The following ERCC6L2 variants were observed in gnomAD, a reference collection of about 807,000 sequenced individuals.
The protein encoded by ERCC6L2 is ERCC excision repair 6 like 2, also known as DNA excision repair protein ERCC-6-like 2.
ERCC6L2 carries 77 observed loss-of-function variants against 132.0 expected under a neutral mutation model. The ratio of observed to expected loss-of-function variants is 0.58; its 90% CI spans 0.49 to 0.71. The LOEUF is 0.71. Ranked by LOEUF, ERCC6L2 falls within the 30% of genes least tolerant of loss-of-function variation. The pLI is 0.00. For synonymous variants in ERCC6L2, 583 were observed against 632.4 expected (o/e 0.92, Z 1.17); for missense variants, 1,542 against 1,837.6 (o/e 0.84, Z 2.94).
At chr9:95,948,793 A>G (rs1299790099) in intron 12 of ERCC6L2, among the ~76,000 whole-genome samples, 2 of 96,314 alleles carry the variant, frequency 2.1e-5, no homozygotes, top group East Asian at 7.2e-4. Flanking sequence ...AGACATTAGA[A>G]AAAAAAAAAA....
intron 14 of ERCC6L2, chr9:95,968,064 G>A (rs780389756): frequency 2.0e-5 from 3 of 152,120 alleles, no homozygotes; most frequent in Non-Finnish European, 4.4e-5. Flanking sequence ...AGGTTATTAA[G>A]TAGAAAAAGT....
At chr9:95,908,119 G>A (rs932196648) in intron 4 of ERCC6L2, among the ~76,000 whole-genome samples, 2 of 152,054 alleles carry the variant, frequency 1.3e-5, no homozygotes, top group African/African-American at 4.8e-5. Flanking sequence ...GAATGGAGAA[G>A]GACCAATTAA....
chr9:95,905,809 A>G (rs148072536), intron 3 of ERCC6L2, among the ~76,000 whole-genome samples: 1 of 152,298 alleles, frequency 6.6e-6, no homozygotes, highest in African/African-American at 2.4e-5. Flanking sequence ...CCTAGGTTAA[A>G]TGTTTCACAG....
intron 3 of ERCC6L2, among the ~76,000 whole-genome samples, chr9:95,899,598 A>ATG (rs763050798): frequency 4.7e-4 from 53 of 113,270 alleles, no homozygotes; most frequent in Middle Eastern, 4.6e-3. Context: ...CTTTATATAT[A>ATG]TATGTGTGTG....
intron 17 of ERCC6L2, among the ~76,000 whole-genome samples, chr9:95,984,825 G>A (rs1268838520): frequency 2.6e-5 from 4 of 152,146 alleles, no homozygotes; most frequent in Non-Finnish European, 4.4e-5. Context: ...GAATTTTAAA[G>A]ATGATTTATT....
rs909612107 is a variant in ERCC6L2, at chr9:95,911,790, T to C, written c.789-3878T>C. ...TCAGTTTTTATCAAAGTTAATTATG[T>C]ATATGATTTAAAGAGCCAAACATGA... On this transcript the variant is annotated intron_variant, in intron 4 of 18. Coordinates refer to ENST00000653738, the MANE Select transcript of ERCC6L2 (RefSeq NM_020207.7). 7.2e-5 allele frequency among the ~76,000 whole-genome samples: 11 copies of C among 152,286 alleles called. No homozygotes were observed. In the South Asian group the frequency reaches 1.9e-3, roughly 26 times the overall value.
chr9:95,936,776 CTCTCCCCTT>C (rs973406933), intron 11 of ERCC6L2, among the ~76,000 whole-genome samples: 8 of 152,130 alleles, frequency 5.3e-5, no homozygotes, highest in African/African-American at 1.9e-4. Flanking sequence ...CTGCTTTCCT[CTCTCCCCTT>C]TCTCCCTGAG....
rs1830493183 is a variant in ERCC6L2 at position 95,934,967 on chromosome 9, T to A, written c.1751+6103T>A. Among the ~76,000 whole-genome samples, 3 of 152,232 alleles carry A rather than the reference T, an allele frequency of 2.0e-5. No homozygotes were observed. The South Asian group carries it at 6.2e-4, about 32-fold the overall frequency. On this transcript the variant is annotated intron_variant, in intron 11 of 18. Coordinates refer to ENST00000653738, the MANE Select transcript of ERCC6L2 (RefSeq NM_020207.7). ...TAAACCACTCTTTTCAAATAAATAA[T>A]GAGAATCATATTATATGCCTTTTGT...
At chr9:95,929,651 T>C (rs971725046) in intron 11 of ERCC6L2, among the ~76,000 whole-genome samples, 5 of 152,228 alleles carry the variant, frequency 3.3e-5, no homozygotes, top group Admixed American at 6.5e-5. Context: ...AGCACTTTAA[T>C]TATTCTTGAA....
At chr9:95,993,863 T>A (rs1446986717) in intron 17 of ERCC6L2, among the ~76,000 whole-genome samples, 1 of 152,200 alleles carries the variant, frequency 6.6e-6, no homozygotes, top group Non-Finnish European at 1.5e-5. Flanking sequence ...TGGATTTGAA[T>A]CTAAATGCTG....
At chr9:96,026,227 G>A (rs960612887) in intron 19 of ERCC6L2, among the ~76,000 whole-genome samples, 3 of 152,220 alleles carry the variant, frequency 2.0e-5, no homozygotes, top group African/African-American at 7.2e-5. Flanking sequence ...CCACCGTTGG[G>A]AGTCCGGGGG....
At chr9:95,926,082 C>G (rs1830087672) in intron 9 of ERCC6L2, among the ~76,000 whole-genome samples, 1 of 152,152 alleles carries the variant, frequency 6.6e-6, no homozygotes, top group Admixed American at 6.5e-5. Context: ...AGAACACTGT[C>G]AAGCCCAAAT....
chr9:96,028,090 C>T (rs957988768), intron 19 of ERCC6L2: 2 of 152,122 alleles, frequency 1.3e-5, no homozygotes, highest in African/African-American at 2.4e-5. Context: ...CCGAGGGCAC[C>T]CTGCAAACTG....
chr9:95,940,271 C>G (rs1474485092), intron 11 of ERCC6L2, among the ~76,000 whole-genome samples: 7 of 152,212 alleles, frequency 4.6e-5, no homozygotes, highest in African/African-American at 1.7e-4. Context: ...GTTATTGTGT[C>G]ACATTTTTCT....
intron 9 of ERCC6L2, among the ~76,000 whole-genome samples, chr9:95,923,922 G>A (rs968846211): frequency 2.0e-5 from 3 of 149,662 alleles, no homozygotes; most frequent in Non-Finnish European, 4.5e-5. Flanking sequence ...GCTGCTCTTG[G>A]TAATGTGTTA....
chr9:95,936,708 T>G (rs1830570655), intron 11 of ERCC6L2, among the ~76,000 whole-genome samples: 1 of 152,226 alleles, frequency 6.6e-6, no homozygotes, highest in Admixed American at 6.5e-5. Flanking sequence ...GTTGATACAG[T>G]GAAGAGCAGA....
Position 95,881,206 on chromosome 9 carries a change from A to T in ERCC6L2, c.384A>T (p.Arg128Ser), listed in dbSNP as rs750151681. The change falls in exon 2 of 19, where the codon AGA becomes AGT. Residue 128 changes from arginine (R) to serine (S), a missense_variant. By Grantham distance (110) the Arg-to-Ser change is moderately radical (BLOSUM62 -1). This residue lies in a region of ERCC6L2 where 945 missense variants were observed against 1,105.2 expected (regional missense o/e 0.86). Transcript: ENST00000653738. Reference sequence around the variant, plus strand: ...ATAGGTATTTGAGAGACTACCAAAGAGAAGGAACCCGGTTTCTTTATGGAC... The same window carrying T: ...ATAGGTATTTGAGAGACTACCAAAGTGAAGGAACCCGGTTTCTTTATGGAC... ...TINRYLRDYQ[R>S]EGTRFLYGHY... 2 of 1,607,786 alleles carry T rather than the reference A, an allele frequency of 1.2e-6. No homozygotes were observed. The highest frequency in any genetic ancestry group is 4.5e-5 in the East Asian group (2 of 44,852).
chr9:95,889,343 A>T (rs895756648), intron 2 of ERCC6L2, among the ~76,000 whole-genome samples: 3 of 152,212 alleles, frequency 2.0e-5, no homozygotes, highest in Non-Finnish European at 4.4e-5. Context: ...AGAGCAAATC[A>T]GTGGATTTGA....
In ERCC6L2 at chr9:96,012,425, G is replaced by A. The variant is rs769277549; in HGVS notation, c.3875G>A (p.Arg1292His). 19 of 1,363,658 alleles carry A rather than the reference G, an allele frequency of 1.4e-5. No individual in the cohort carries two copies. The highest frequency in any genetic ancestry group is 1.0e-4 in the African/African-American group (7 of 67,598). 84.5% of individuals were successfully genotyped at this position (1,363,658 alleles called of 1,614,324 possible). The change falls in exon 19 of 19, where the codon CGC (arginine) becomes CAC (histidine). Residue 1292 changes from arginine (R) to histidine (H), a missense_variant. Physicochemically the swap from Arg to His is conservative, Grantham distance 29. This residue lies in a region of ERCC6L2 where 442 missense variants were observed against 583.4 expected (regional missense o/e 0.76). Transcript: ENST00000653738. ...NNSSFEKGEQ[R>H]TRKKSDKRES... The stretch of plus-strand genomic sequence containing the variant: ...TCTTCCTTTGAGAAAGGAGAGCAGC[G>A]CACCCGGAAGAAATCTGATAAAAGA...
Sources: allele counts gnomAD v4.1 joint callset (sites outside exome capture counted in the v4.1 genomes callset), GRCh38; gene constraint gnomAD v4.1.1; regional missense constraint gnomAD v4.1.1; transcripts MANE v1.5; gene names NCBI Gene and HGNC (gene_info 2026-07-23, HGNC 2026-07-21).